The following PPP1R9A variants were observed in gnomAD, a reference collection of about 807,000 sequenced individuals.
The protein encoded by PPP1R9A is protein phosphatase 1 regulatory subunit 9A, also known as neurabin-1.
In PPP1R9A, 59 loss-of-function variants were observed where a neutral mutation model predicts 141.9. The observed-to-expected ratio is 0.42, with a 90% CI of 0.34 to 0.52. The LOEUF is 0.52. PPP1R9A is among the 20% of genes least tolerant of loss of function. The pLI is 0.10. For missense variants in PPP1R9A, 1,444 were observed against 1,611.9 expected (o/e 0.90, Z 1.78); for synonymous variants, 500 against 569.7 (o/e 0.88, Z 1.74).
At chr7:95,103,356 T>TC (rs1207261758) in intron 2 of PPP1R9A, among the ~76,000 whole-genome samples, 3 of 141,202 alleles carry the variant, frequency 2.1e-5, no homozygotes, top group African/African-American at 8.1e-5. Context: ...TGGTTTTTTT[T>TC]CACTTCTTTT....
chr7:95,239,157 A>T (rs1797106765), intron 8 of PPP1R9A, among the ~76,000 whole-genome samples: 1 of 152,022 alleles, frequency 6.6e-6, no homozygotes, highest in South Asian at 2.1e-4. Context: ...TTTTTCCTTA[A>T]TCTAGGAAAT....
rs752309631 is a variant in PPP1R9A at position 95,250,257 on chromosome 7, T to TAAGC, written c.2396+3_2396+6dup. On this transcript the variant is annotated splice_region_variant and intron_variant, in intron 10 of 19. Transcript: ENST00000433360. ...GTTGATCAAGGATTTTCAACAAAAG[T>TAAGC]AAGCCGCTTCTAATAACTAAAGAAT... 2.5e-6 allele frequency: 4 copies of TAAGC among 1,598,082 alleles called. No homozygotes were observed. The highest frequency in any genetic ancestry group is 3.4e-6 in the Non-Finnish European group (4 of 1,173,114).
intron 7 of PPP1R9A, 43 bp downstream of exon 7, chr7:95,203,773 G>T: frequency 7.5e-7 from 1 of 1,333,552 alleles, no homozygotes; most frequent in Non-Finnish European, 1.0e-6. Flanking sequence ...GTACTTTCCT[G>T]CTTCATATGT....
chr7:95,139,821 A>C (rs1164269144), intron 4 of PPP1R9A, among the ~76,000 whole-genome samples: 1 of 151,416 alleles, frequency 6.6e-6, no homozygotes, highest in Non-Finnish European at 1.5e-5. Context: ...AAAAAAAAAA[A>C]AAAAAGAAAA....
intron 5 of PPP1R9A, among the ~76,000 whole-genome samples, chr7:95,165,946 G>A (rs899386175): frequency 1.3e-5 from 2 of 152,046 alleles, no homozygotes; most frequent in African/African-American, 2.4e-5. Context: ...TCAGGAATTC[G>A]AGACCAGCCT....
chr7:95,185,086 C>T (rs958152642), intron 5 of PPP1R9A, among the ~76,000 whole-genome samples: 2 of 150,658 alleles, frequency 1.3e-5, no homozygotes, highest in Admixed American at 1.3e-4. Context: ...TACATGTGCA[C>T]ATTGTGCAGG....
intron 2 of PPP1R9A, among the ~76,000 whole-genome samples, chr7:94,921,049 T>C (rs7776891): frequency 0.092 from 14,012 of 152,252 alleles, 733 homozygotes; most frequent in Non-Finnish European, 0.12. Context: ...TCTTAAATAG[T>C]ACTCACAGTC....
At chr7:95,065,378 A>G (rs1812808307) in intron 2 of PPP1R9A, among the ~76,000 whole-genome samples, 2 of 149,870 alleles carry the variant, frequency 1.3e-5, no homozygotes, top group Admixed American at 6.7e-5. Context: ...AGTTGCTTTC[A>G]TTTTTAATTC....
intron 2 of PPP1R9A, among the ~76,000 whole-genome samples, chr7:94,962,998 T>C (rs1460992397): frequency 6.6e-6 from 1 of 152,072 alleles, no homozygotes; most frequent in Non-Finnish European, 1.5e-5. Flanking sequence ...TTTAAATACA[T>C]GAAGTCACAG....
At chr7:95,127,431 C>T (rs1375465253) in intron 4 of PPP1R9A, among the ~76,000 whole-genome samples, 1 of 152,080 alleles carries the variant, frequency 6.6e-6, no homozygotes, top group South Asian at 2.1e-4. Flanking sequence ...CAAATCCAGC[C>T]GAAAGTCTAT....
chr7:94,954,804 G>C (rs1796892359), intron 2 of PPP1R9A, among the ~76,000 whole-genome samples: 1 of 145,950 alleles, frequency 6.9e-6, no homozygotes, highest in Non-Finnish European at 1.5e-5. Context: ...TGTTTATTCT[G>C]TTATTTTAGA....
intron 5 of PPP1R9A, among the ~76,000 whole-genome samples, chr7:95,172,910 A>C (rs543181029): frequency 7.2e-5 from 11 of 151,982 alleles, no homozygotes; most frequent in African/African-American, 2.7e-4. Flanking sequence ...CGCAGATATG[A>C]AGAATTGATT....
intron 12 of PPP1R9A, among the ~76,000 whole-genome samples, chr7:95,253,046 G>C (rs751522881): frequency 2.0e-5 from 3 of 152,168 alleles, no homozygotes; most frequent in Non-Finnish European, 4.4e-5. Context: ...TTCTTAGATT[G>C]CACGTGTATG....
chr7:95,128,360 A>G (rs1823948235), intron 4 of PPP1R9A, among the ~76,000 whole-genome samples: 1 of 151,912 alleles, frequency 6.6e-6, no homozygotes, highest in Non-Finnish European at 1.5e-5. Flanking sequence ...AAATTGGGTT[A>G]TTTGTTTTTC....
At chr7:95,199,003 G>A (rs759742460) in intron 6 of PPP1R9A, among the ~76,000 whole-genome samples, 15 of 152,094 alleles carry the variant, frequency 9.9e-5, no homozygotes, top group Non-Finnish European at 1.6e-4. Context: ...ACTATGATTT[G>A]TGCTAACATA....
intron 14 of PPP1R9A, among the ~76,000 whole-genome samples, chr7:95,271,795 G>T (rs1802222412): frequency 1.3e-5 from 2 of 152,130 alleles, no homozygotes; most frequent in African/African-American, 4.8e-5. Flanking sequence ...TAGTATTGGA[G>T]AGATTTTAAA....
At chr7:94,944,540 G>T (rs1161577253) in intron 2 of PPP1R9A, among the ~76,000 whole-genome samples, 1 of 149,166 alleles carries the variant, frequency 6.7e-6, no homozygotes, top group Non-Finnish European at 1.5e-5. Context: ...TACTTAAGGG[G>T]GAAGAGGGCA....
At chr7:95,034,355 C>G (rs1025170148) in intron 2 of PPP1R9A, among the ~76,000 whole-genome samples, 2 of 151,974 alleles carry the variant, frequency 1.3e-5, no homozygotes, top group Non-Finnish European at 2.9e-5. Context: ...ATATTCTAAG[C>G]AATACAATAG....
chr7:95,240,288 T>C (rs1321434823), intron 8 of PPP1R9A, among the ~76,000 whole-genome samples: 1 of 152,098 alleles, frequency 6.6e-6, no homozygotes, highest in East Asian at 1.9e-4. Context: ...TAAAAATCTT[T>C]AGCACAATTT....
Sources: allele counts gnomAD v4.1 joint callset (sites outside exome capture counted in the v4.1 genomes callset), GRCh38; gene constraint gnomAD v4.1.1; transcripts MANE v1.5; gene names NCBI Gene and HGNC (gene_info 2026-07-23, HGNC 2026-07-21).